The following CADM2 variants were observed in gnomAD, a reference collection of about 807,000 sequenced individuals.
The protein encoded by CADM2 is immunoglobulin superfamily member 4D.
In CADM2, 12 loss-of-function variants were observed where a neutral mutation model predicts 49.8. The ratio of observed to expected loss-of-function variants is 0.24; its 90% CI spans 0.15 to 0.39. The LOEUF is 0.39. Among genes scored for constraint, CADM2 ranks in the 10% least tolerant of loss-of-function variants. The pLI is 1.00. For synonymous variants in CADM2, 214 were observed against 175.4 expected (o/e 1.22, Z -1.74); for missense variants, 378 against 492.3 (o/e 0.77, Z 2.20).
chr3:86,066,641 A>G (rs774479278), intron 9 of CADM2, 24 bp from the exon 10 acceptor site: 2 of 1,510,260 alleles, frequency 1.3e-6, no homozygotes, highest in Non-Finnish European at 1.8e-6. Flanking sequence ...CAGAGCTAAC[A>G]TATTTTTCTT....
intron 1 of CADM2, among the ~76,000 whole-genome samples, chr3:85,286,199 G>T (rs2043628867): frequency 6.6e-6 from 1 of 152,126 alleles, no homozygotes; most frequent in African/African-American, 2.4e-5. Flanking sequence ...TGGGACCGGA[G>T]CTGATCTAGC....
rs144419788 is a variant in CADM2 at position 85,546,444 on chromosome 3, T to C, written c.62-180078T>C. ...GAAAGACACAGGAGGCTTTTCAGCC[T>C]TCTTTTTCAACTCCCCCTCTCTTGT... On this transcript the variant is annotated intron_variant, in intron 1 of 9. Coordinates refer to ENST00000383699, the MANE Select transcript of CADM2 (RefSeq NM_001167675.2). 4.0e-4 allele frequency among the ~76,000 whole-genome samples: 61 copies of C among 152,276 alleles called. No homozygotes were observed. In the East Asian group the frequency reaches 6.2e-3, roughly 15 times the overall value.
At chr3:85,806,281 G>A (rs2072413289) in intron 3 of CADM2, among the ~76,000 whole-genome samples, 1 of 152,042 alleles carries the variant, frequency 6.6e-6, no homozygotes, top group Admixed American at 6.6e-5. Context: ...GAATGGAAGG[G>A]AGGGAGGGAG....
chr3:85,584,531 C>T (rs559792056), intron 1 of CADM2, among the ~76,000 whole-genome samples: 86 of 152,060 alleles, frequency 5.7e-4, no homozygotes, highest in South Asian at 2.1e-3. Flanking sequence ...TTAAATTTCC[C>T]AAGTTTCCTA....
chr3:86,048,429 T>C (rs1269451988), intron 8 of CADM2, among the ~76,000 whole-genome samples: 1 of 152,040 alleles, frequency 6.6e-6, no homozygotes, highest in Non-Finnish European at 1.5e-5. Context: ...GTAAATCACA[T>C]ACCTACTCTG....
At chr3:85,325,010 A>G (rs559680437) in intron 1 of CADM2, among the ~76,000 whole-genome samples, 1 of 152,314 alleles carries the variant, frequency 6.6e-6, no homozygotes, top group South Asian at 2.1e-4. Context: ...TAAAAATCAA[A>G]GCTAAGGAGG....
chr3:85,936,180 A>G (rs1216645483), intron 7 of CADM2, among the ~76,000 whole-genome samples: 2 of 151,776 alleles, frequency 1.3e-5, no homozygotes, highest in Non-Finnish European at 2.9e-5. Context: ...CGTTGAATTC[A>G]GTTCTCCCAT....
At chr3:85,052,725 C>T (rs1307657697) in intron 1 of CADM2, among the ~76,000 whole-genome samples, 2 of 151,968 alleles carry the variant, frequency 1.3e-5, no homozygotes, top group African/African-American at 2.4e-5. Flanking sequence ...ATTTATATAA[C>T]TTGTAATTTT....
At chr3:85,897,947 T>G (rs1369580646) in intron 5 of CADM2, among the ~76,000 whole-genome samples, 1 of 152,230 alleles carries the variant, frequency 6.6e-6, no homozygotes, top group African/African-American at 2.4e-5. Flanking sequence ...CATAGATCTG[T>G]TATTTTTATG....
At chr3:85,907,305 T>C (rs372899945) in intron 5 of CADM2, among the ~76,000 whole-genome samples, 1 of 152,144 alleles carries the variant, frequency 6.6e-6, no homozygotes, top group South Asian at 2.1e-4. Flanking sequence ...TTACAAACCT[T>C]ACCTCTGAAA....
In CADM2 at chr3:85,555,544, G is replaced by A. The variant is rs144565450; in HGVS notation, c.62-170978G>A. ...AGTAATTATATTGTGAGGTGATAAT[G>A]CATAAAATCAAGCAGAGATTTGAAA... On this transcript the variant is annotated intron_variant, in intron 1 of 9. Transcript: ENST00000383699. 1.1e-3 allele frequency among the ~76,000 whole-genome samples: 167 copies of A among 152,066 alleles called. 1 individual carries two copies. Among genetic ancestry groups the A allele is most frequent in the African/African-American group, 3.8e-3 (159 of 41,486 alleles).
In CADM2 at chr3:85,093,858, TTGA is replaced by T. The variant is rs551599793; in HGVS notation, c.61+134195_61+134197del. Among the ~76,000 whole-genome samples the T allele has an allele frequency of 1.5e-4, 22 of 151,624 alleles. No individual in the cohort carries two copies. In the South Asian group the frequency reaches 3.8e-3, roughly 26 times the overall value. On this transcript the variant is annotated intron_variant, in intron 1 of 9. Coordinates refer to ENST00000383699, the MANE Select transcript of CADM2 (RefSeq NM_001167675.2). Reference sequence around the variant, plus strand: ...AGTGTGCTGTGTGCTGGGAGAGGAGTTGATGATTGGGGGAGGGTGGGAAGGAGT... The same window carrying T: ...AGTGTGCTGTGTGCTGGGAGAGGAGTTGATTGGGGGAGGGTGGGAAGGAGT...
chr3:85,003,304 C>A (rs2033563950), intron 1 of CADM2, among the ~76,000 whole-genome samples: 1 of 152,030 alleles, frequency 6.6e-6, no homozygotes, highest in African/African-American at 2.4e-5. Context: ...CAGATTGTTA[C>A]TTGTTAAGTA....
chr3:85,761,174 C>T (rs1577246718), intron 2 of CADM2, among the ~76,000 whole-genome samples: 2 of 152,008 alleles, frequency 1.3e-5, no homozygotes, highest in African/African-American at 4.8e-5. Context: ...TTTGATTGGA[C>T]TATTTTGTGT....
At chr3:85,715,968 G>C (rs533085003) in intron 1 of CADM2, among the ~76,000 whole-genome samples, 1 of 152,198 alleles carries the variant, frequency 6.6e-6, no homozygotes, top group Non-Finnish European at 1.5e-5. Flanking sequence ...ATACACATGT[G>C]TGTGCCTGCA....
At chr3:85,919,410 A>G (rs1335052661) in intron 6 of CADM2, among the ~76,000 whole-genome samples, 1 of 152,010 alleles carries the variant, frequency 6.6e-6, no homozygotes, top group Non-Finnish European at 1.5e-5. Context: ...AGGAAGGATG[A>G]GAGGAAAATA....
chr3:85,340,801 T>C (rs1302602272), intron 1 of CADM2, among the ~76,000 whole-genome samples: 3 of 151,630 alleles, frequency 2.0e-5, no homozygotes, highest in Non-Finnish European at 4.4e-5. Flanking sequence ...AAAATAAATC[T>C]TTTTAAGATG....
chr3:85,635,185 A>T (rs1483181170), intron 1 of CADM2, among the ~76,000 whole-genome samples: 1 of 152,148 alleles, frequency 6.6e-6, no homozygotes, highest in East Asian at 1.9e-4. Context: ...TTTAAAAAAT[A>T]CAATCTCATG....
At chr3:85,323,897 T>C (rs1407005623) in intron 1 of CADM2, among the ~76,000 whole-genome samples, 4 of 152,302 alleles carry the variant, frequency 2.6e-5, no homozygotes, top group South Asian at 4.1e-4. Flanking sequence ...TAACAGCCTA[T>C]ATGGCAATAG....
Sources: gnomAD v4.1 joint callset for allele counts (sites outside exome capture counted in the v4.1 genomes callset) on GRCh38, gnomAD v4.1.1 for gene constraint, MANE v1.5 for transcripts, NCBI Gene and HGNC (gene_info 2026-07-23, HGNC 2026-07-21) for gene names.